Variants in FER1L5 observed in about 807,000 individuals in gnomAD.
FER1L5 encodes fer-1-like protein 5.
In FER1L5, 187 loss-of-function variants were observed where a neutral mutation model predicts 279.9. The ratio of observed to expected loss-of-function variants is 0.67; its 90% confidence interval spans 0.59 to 0.75. The LOEUF is 0.75. FER1L5 is among the 30% of genes least tolerant of loss of function. FER1L5 has a pLI of 0.00. For missense variants in FER1L5, 2,091 were observed against 2,594.4 expected, an observed-to-expected ratio of 0.81 and a Z score of 4.21; for synonymous variants, 921 against 989.7, an observed-to-expected ratio of 0.93 and a Z score of 1.30.
At position 96,683,568 on chromosome 2, in the gene FER1L5, G is replaced by C. The variant is rs1284849789; in HGVS notation, c.1670-759G>C. Among the ~76,000 whole-genome samples, 6 of 149,892 alleles carry C rather than the reference G, an allele frequency of 4.0e-5. No homozygotes were observed. In the South Asian group the frequency reaches 6.4e-4, roughly 16 times the overall value. ...GTTTGGGACTTGAGTATGCCTTTCC[G>C]GGGGGGACACAGCCAGTCTGTAGCA... On this transcript the variant is annotated intron_variant, in intron 19 of 52. Coordinates refer to ENST00000624922, the MANE Select transcript of FER1L5 (RefSeq NM_001293083.2).
chr2:96,684,183 C>G lies in FER1L5; in HGVS notation c.1670-144C>G, dbSNP rs1023427697. On this transcript the variant is annotated intron_variant, in intron 19 of 52. Coordinates refer to ENST00000624922, the MANE Select transcript of FER1L5 (RefSeq NM_001293083.2). ...GTTGGGCCCCAGCCCAGCCTCCCAGCTGGAGGGCTCCAGTCAGCATTGTTA... is the reference window on the plus strand; with the variant it reads ...GTTGGGCCCCAGCCCAGCCTCCCAGGTGGAGGGCTCCAGTCAGCATTGTTA... 5 of 1,109,236 alleles carry G rather than the reference C, an allele frequency of 4.5e-6. No homozygotes were observed. The African/African-American group carries it at 6.4e-5, about 14-fold the overall frequency. The allele number at this position is 1,109,236 out of a possible 1,614,324, so 68.7% of individuals were successfully genotyped here.
In FER1L5 at chr2:96,699,769, T is replaced by C; in HGVS notation, c.4781+49T>C. 3.1e-6 allele frequency: 5 copies of C among 1,605,914 alleles called. No homozygotes were observed. In the South Asian group the frequency reaches 5.5e-5, roughly 18 times the overall value. On this transcript the variant is annotated intron_variant, in intron 43 of 52. Coordinates refer to ENST00000624922, the MANE Select transcript of FER1L5 (RefSeq NM_001293083.2). ...AAGGGAGTCAGGTGGGGTGGAAGAG[T>C]GAGCCTACAGCTCCCTTGGGAGAAG...
chr2:96,651,513 C>T (rs2075381494), intron 6 of FER1L5, among the ~76,000 whole-genome samples: 1 of 124,238 alleles, frequency 8.0e-6, no homozygotes, highest in South Asian at 2.9e-4. Flanking sequence ...TCTTTCTTCT[C>T]TTTTTTGAGA....
At chr2:96,695,971 C>A in intron 36 of FER1L5, 67 bp downstream of exon 36, 1 of 1,604,058 alleles carries the variant, frequency 6.2e-7, no homozygotes. Flanking sequence ...GTGGGGCAGG[C>A]CCTGCTACCC....
chr2:96,685,236 C>T, intron 20 of FER1L5, 93 bp from the exon 21 acceptor site: 1 of 1,132,326 alleles, frequency 8.8e-7, no homozygotes, highest in Non-Finnish European at 1.3e-6. Context: ...AAGGTCGTGG[C>T]TGAAAACATC....
chr2:96,703,809 CTTTTTTTTTTTTTT>C (rs35497973), intron 51 of FER1L5, among the ~76,000 whole-genome samples, 177 bp downstream of exon 51: 2 of 89,480 alleles, frequency 2.2e-5, no homozygotes, highest in Non-Finnish European at 4.4e-5. Context: ...CAAAAGTTGC[CTTTTTTTTTTTTTT>C]TTTTTTTTTG....
intron 19 of FER1L5, among the ~76,000 whole-genome samples, chr2:96,681,421 G>A (rs1375005897): frequency 1.3e-5 from 2 of 152,188 alleles, no homozygotes; most frequent in East Asian, 3.8e-4. Context: ...AGTGTCCCAG[G>A]TAACTGGAAG....
rs577862753 is a variant in FER1L5 at position 96,656,622 on chromosome 2, T to G, written c.747+2126T>G. 5.3e-5 allele frequency among the ~76,000 whole-genome samples: 8 copies of G among 152,322 alleles called. No individual in the cohort carries two copies. The East Asian group carries it at 1.3e-3, about 26-fold the overall frequency. The stretch of plus-strand genomic sequence containing the variant: ...TCCAGTCTGAGCAAAAGAGAGAGAC[T>G]CTGTCTCAAAAAAACAAAAACAAAA... On this transcript the variant is annotated intron_variant, in intron 9 of 52. Transcript: ENST00000624922.
intron 19 of FER1L5, among the ~76,000 whole-genome samples, chr2:96,682,502 G>A (rs1158256378): frequency 2.0e-5 from 3 of 152,140 alleles, no homozygotes; most frequent in Admixed American, 1.3e-4. Context: ...ATGCCCTTCT[G>A]TTGGGCATAT....
intron 37 of FER1L5, among the ~76,000 whole-genome samples, chr2:96,697,279 TTCCAGAA>T (rs529742397): frequency 1.1e-4 from 16 of 152,206 alleles, no homozygotes; most frequent in Admixed American, 2.6e-4. Flanking sequence ...TCTGAGCCCC[TTCCAGAA>T]TCCAGAATCC....
chr2:96,656,419 C>T (rs2075603045), intron 9 of FER1L5, among the ~76,000 whole-genome samples: 1 of 152,168 alleles, frequency 6.6e-6, no homozygotes. Flanking sequence ...GGCGGATCAC[C>T]TGAAGTCAGG....
chr2:96,690,947 T>G (rs920251260), intron 27 of FER1L5, among the ~76,000 whole-genome samples: 1 of 152,262 alleles, frequency 6.6e-6, no homozygotes, highest in African/African-American at 2.4e-5. Flanking sequence ...GCTTATGGGC[T>G]GTGTGGCCTT....
At position 96,650,713 on chromosome 2, in the gene FER1L5, A is replaced by T. The variant is rs570013879; in HGVS notation, c.504+424A>T. Reference sequence around the variant, plus strand: ...GTCCACATTTCCATGTGAATTCAGGAACCCTCATCCCATGGCTTATCAACT... The same window carrying T: ...GTCCACATTTCCATGTGAATTCAGGTACCCTCATCCCATGGCTTATCAACT... On this transcript the variant is annotated intron_variant, in intron 6 of 52. Coordinates refer to ENST00000624922, the MANE Select transcript of FER1L5 (RefSeq NM_001293083.2). Among the ~76,000 whole-genome samples, 190 of 152,160 alleles carry T rather than the reference A, an allele frequency of 1.2e-3. 1 individual carries two copies. The highest frequency in any genetic ancestry group is 2.5e-3 in the Non-Finnish European group (167 of 68,030).
intron 31 of FER1L5, among the ~76,000 whole-genome samples, chr2:96,692,960 G>A (rs539338297): frequency 2.0e-5 from 3 of 152,216 alleles, no homozygotes; most frequent in East Asian, 3.9e-4. Flanking sequence ...GGCCGATCAC[G>A]AGGTCAGGAA....
intron 8 of FER1L5, 125 bp downstream of exon 8, chr2:96,653,827 C>T: frequency 1.5e-6 from 1 of 675,784 alleles, no homozygotes; most frequent in Non-Finnish European, 2.5e-6. Flanking sequence ...CTGATCCCCA[C>T]CACTTTCTTC....
At position 96,689,504 on chromosome 2, in the gene FER1L5, A is replaced by C; in HGVS notation, c.2525+128A>C. 1 of 1,462,856 alleles carries C rather than the reference A, an allele frequency of 6.8e-7. No individual in the cohort carries two copies. Among genetic ancestry groups the C allele is most frequent in the Non-Finnish European group, 9.3e-7 (1 of 1,075,586 alleles). The allele number at this position is 1,462,856 out of a possible 1,614,324, so 90.6% of individuals were successfully genotyped here. On this transcript the variant is annotated intron_variant, in intron 25 of 52. Transcript: ENST00000624922. This position sits in a 1 kb window ranked among gnomAD's most constrained non-coding sequence, Gnocchi z 4.6. ...CCAGAGGGCCGAGGTGCACCAGGCC[A>C]AGGGCCCTGCCCACCACCCTGTCCT...
rs768737623 is a variant in FER1L5 at position 96,695,777 on chromosome 2, C to T, written c.3930C>T (p.Leu1310=). 134 of 1,612,718 alleles carry T rather than the reference C, an allele frequency of 8.3e-5. 3 individuals are homozygous for T. The South Asian group carries it at 8.7e-4, about 10-fold the overall frequency. The change falls in exon 36 of 53, where the codon CTC becomes CTT. Residue 1310 remains leucine (L), a synonymous_variant. Transcript: ENST00000624922. ...MPTEEAYALP[L]VVKVVDNWAF... Reference sequence around the variant, plus strand: ...CGGAGGAGGCCTATGCACTGCCCCTCGTGGTGAAGGTGGTAGACAACTGGG... The same window carrying T: ...CGGAGGAGGCCTATGCACTGCCCCTTGTGGTGAAGGTGGTAGACAACTGGG...
chr2:96,646,493 C>G (rs1354909067), intron 2 of FER1L5, 40 bp downstream of exon 2: 3 of 1,547,940 alleles, frequency 1.9e-6, no homozygotes, highest in Non-Finnish European at 1.7e-6. Context: ...AATAACAACC[C>G]CAACAGCAAG....
chr2:96,681,321 TG>T (rs1414475573), intron 19 of FER1L5, among the ~76,000 whole-genome samples: 1 of 152,156 alleles, frequency 6.6e-6, no homozygotes, highest in Non-Finnish European at 1.5e-5. Context: ...CATTGCAGCC[TG>T]GGTGACAGAG....
Sources: gnomAD v4.1 joint callset for allele counts (sites outside exome capture counted in the v4.1 genomes callset) on GRCh38, gnomAD v4.1.1 for gene constraint, Gnocchi (gnomAD v3.1) non-coding constraint, MANE v1.5 for transcripts, NCBI Gene and HGNC (gene_info 2026-07-23, HGNC 2026-07-21) for gene names.